The following NUP210L variants were observed in gnomAD, a reference collection of about 807,000 sequenced individuals.
NUP210L encodes the protein nucleoporin 210 like.
Under a neutral mutation model 208.5 loss-of-function variants are expected in NUP210L, and 74 were observed. That is an observed-to-expected ratio of 0.35 (90% confidence interval 0.29 to 0.43). The LOEUF is 0.43. Ranked by LOEUF, NUP210L falls within the 20% of genes least tolerant of loss-of-function variation. The probability of loss-of-function intolerance (pLI) is 1.00; values close to 1 mark genes in which losing one functional copy is unlikely to be tolerated. For missense variants in NUP210L, 1,843 were observed against 2,289.4 expected (o/e 0.81, Z 3.98); for synonymous variants, 780 against 816.9 (o/e 0.95, Z 0.77).
chr1:154,064,020 C>T (rs913531031), intron 17 of NUP210L, among the ~76,000 whole-genome samples: 2 of 148,958 alleles, frequency 1.3e-5, no homozygotes, highest in East Asian at 1.9e-4. Flanking sequence ...TTATATAACA[C>T]GTCTACATAT....
intron 12 of NUP210L, among the ~76,000 whole-genome samples, chr1:154,112,052 C>T (rs574271405): frequency 6.6e-5 from 10 of 151,504 alleles, no homozygotes; most frequent in South Asian, 4.1e-4. Flanking sequence ...CTCAACCTCC[C>T]GAGTAGCTGG....
chr1:154,007,487 C>T (rs1650631838), intron 35 of NUP210L, among the ~76,000 whole-genome samples: 3 of 152,028 alleles, frequency 2.0e-5, no homozygotes, highest in East Asian at 3.9e-4. Context: ...GTCGTGAACT[C>T]CCGACCTCAG....
exon 39 of NUP210L, chr1:153,993,059 G>A (rs754390670): frequency 6.2e-7 from 1 of 1,613,632 alleles, no homozygotes; most frequent in South Asian, 1.1e-5. Flanking sequence ...AACTGGAACT[G>A]TTTGTATCTT....
intron 33 of NUP210L, among the ~76,000 whole-genome samples, chr1:154,018,330 A>G (rs960136241): frequency 6.6e-6 from 1 of 152,032 alleles, no homozygotes; most frequent in South Asian, 2.1e-4. Context: ...TCTCTATTCC[A>G]ATGACTCCCA....
chr1:154,138,779 T>C (rs1658686422), intron 5 of NUP210L, among the ~76,000 whole-genome samples: 1 of 152,166 alleles, frequency 6.6e-6, no homozygotes, highest in Admixed American at 6.5e-5. Flanking sequence ...ATAATCACAT[T>C]AAAACAAAAA....
intron 37 of NUP210L, among the ~76,000 whole-genome samples, chr1:153,999,300 A>T (rs1298263438): frequency 6.6e-6 from 1 of 152,144 alleles, no homozygotes; most frequent in Non-Finnish European, 1.5e-5. Flanking sequence ...AACTATTCCC[A>T]TCCTATCCAA....
chr1:154,068,184 T>C (rs1477677165), intron 17 of NUP210L, among the ~76,000 whole-genome samples: 6 of 152,140 alleles, frequency 3.9e-5, no homozygotes, highest in Non-Finnish European at 8.8e-5. Flanking sequence ...CTTCCAACTA[T>C]ATTACAAGGC....
At chr1:154,044,399 C>T (rs1653059370) in intron 27 of NUP210L, among the ~76,000 whole-genome samples, 1 of 145,982 alleles carries the variant, frequency 6.9e-6, no homozygotes. Context: ...AAGAGGGAAA[C>T]TCTGTCTCAA....
rs1000249357 is a variant in NUP210L at position 153,993,913 on chromosome 1, GAC to G, written c.5492-826_5492-825del. ...TCCATCTCAAAAAAATTTTTTTTTA[GAC>G]ACACAGTATCACTGGAGTACAGTGG... On this transcript the variant is annotated intron_variant, in intron 38 of 39. Transcript: ENST00000368559. 1.9e-3 allele frequency among the ~76,000 whole-genome samples: 288 copies of G among 152,140 alleles called. 2 individuals are homozygous for G. The highest frequency in any genetic ancestry group is 6.5e-3 in the African/African-American group (270 of 41,496).
At chr1:154,117,079 A>G (rs950822970) in intron 12 of NUP210L, among the ~76,000 whole-genome samples, 13 of 152,182 alleles carry the variant, frequency 8.5e-5, no homozygotes, top group Non-Finnish European at 4.4e-5. Flanking sequence ...TCAGTTTTAC[A>G]TGTGTTTTTA....
chr1:154,032,866 C>T (rs562185201), intron 27 of NUP210L, among the ~76,000 whole-genome samples: 111 of 150,786 alleles, frequency 7.4e-4, no homozygotes, highest in Non-Finnish European at 1.2e-3. Flanking sequence ...TGCAGTGAGG[C>T]GAGATCACAC....
intron 35 of NUP210L, among the ~76,000 whole-genome samples, chr1:154,006,839 T>TATATATA (rs1481413091): frequency 1.7e-4 from 24 of 138,930 alleles, no homozygotes; most frequent in African/African-American, 5.8e-4. Context: ...TATATATATA[T>TATATATA]ATGTATATAT....
chr1:153,994,949 T>G (rs1290103918), intron 38 of NUP210L, 127 bp downstream of exon 38: 1 of 556,990 alleles, frequency 1.8e-6, no homozygotes, highest in Middle Eastern at 4.1e-4. Flanking sequence ...GCGGCAGAGG[T>G]TGCTGTAAGC....
intron 17 of NUP210L, 48 bp downstream of exon 17, chr1:154,070,225 C>T: frequency 7.0e-7 from 1 of 1,426,140 alleles, no homozygotes; most frequent in Admixed American, 2.4e-5. Context: ...AACAAACAAA[C>T]AAAAAAACAC....
intron 16 of NUP210L, among the ~76,000 whole-genome samples, chr1:154,071,058 G>A (rs1468852571): frequency 6.7e-6 from 1 of 149,062 alleles, no homozygotes; most frequent in Non-Finnish European, 1.5e-5. Flanking sequence ...TGAATTTTTT[G>A]TAAAGTCCAG....
At chr1:154,072,327 C>CTTTTTTTTTTTTTTT (rs1213732819) in intron 16 of NUP210L, among the ~76,000 whole-genome samples, 1 of 80,248 alleles carries the variant, frequency 1.2e-5, no homozygotes, top group East Asian at 3.7e-4. Flanking sequence ...ATGGCCATTC[C>CTTTTTTTTTTTTTTT]TTTTTTTTTT....
intron 15 of NUP210L, among the ~76,000 whole-genome samples, chr1:154,092,556 T>TG (rs929677886): frequency 4.0e-5 from 6 of 150,918 alleles, no homozygotes; most frequent in Non-Finnish European, 7.4e-5. Flanking sequence ...TTTTGTTTTT[T>TG]TTTTTTTTTT....
At chr1:154,086,889 T>G (rs1056325200) in intron 16 of NUP210L, among the ~76,000 whole-genome samples, 2 of 151,846 alleles carry the variant, frequency 1.3e-5, no homozygotes, top group Non-Finnish European at 2.9e-5. Context: ...GAAAAGAGAC[T>G]TGTATGTAGA....
chr1:154,017,206 A>G (rs1006056948), intron 33 of NUP210L, among the ~76,000 whole-genome samples: 1 of 151,420 alleles, frequency 6.6e-6, no homozygotes, highest in Admixed American at 6.6e-5. Context: ...GCTTGAACTC[A>G]GGAGGCAGAT....
Sources: allele counts gnomAD v4.1 joint callset (sites outside exome capture counted in the v4.1 genomes callset), GRCh38; gene constraint gnomAD v4.1.1; transcripts MANE v1.5; gene names NCBI Gene and HGNC (gene_info 2026-07-23, HGNC 2026-07-21).